Variants in DIP2B observed in about 807,000 individuals in gnomAD.
The protein encoded by DIP2B is disco-interacting protein 2 homolog B.
Under a neutral mutation model 198.0 loss-of-function variants are expected in DIP2B, and 76 were observed. The observed-to-expected ratio is 0.38, with a 90% CI of 0.32 to 0.46. DIP2B has a LOEUF of 0.46. Among genes scored for constraint, DIP2B ranks in the 20% least tolerant of loss-of-function variants. The pLI is 0.99. For missense variants in DIP2B, 1,559 were observed against 1,978.4 expected, an observed-to-expected ratio of 0.79 and a Z score of 4.02; for synonymous variants, 701 against 739.1, an observed-to-expected ratio of 0.95 and a Z score of 0.84.
intron 1 of DIP2B, among the ~76,000 whole-genome samples, chr12:50,515,376 C>T (rs972279197): frequency 3.9e-5 from 6 of 151,966 alleles, no homozygotes; most frequent in Admixed American, 2.6e-4. Flanking sequence ...GATTAACAGG[C>T]GCCTGCCACC....
At position 50,638,986 on chromosome 12, in the gene DIP2B, G is replaced by A. The variant is rs564900703; in HGVS notation, c.173-1738G>A. On this transcript the variant is annotated intron_variant, in intron 2 of 37. Coordinates refer to ENST00000301180, the MANE Select transcript of DIP2B (RefSeq NM_173602.3). ...ATTAGACAGGAGCTCAAAAAGTTTC[G>A]GATTTGGGTATTTGGGGTGTTCAAC... Among the ~76,000 whole-genome samples the A allele has an allele frequency of 3.2e-4, 49 of 152,066 alleles. No homozygotes were observed. The East Asian group carries it at 6.9e-3, about 22-fold the overall frequency.
At chr12:50,558,140 G>T (rs867615559) in intron 1 of DIP2B, among the ~76,000 whole-genome samples, 11 of 151,934 alleles carry the variant, frequency 7.2e-5, no homozygotes, top group Admixed American at 3.3e-4. Context: ...GGCCAAGGTG[G>T]GAGGATCGCT....
chr12:50,570,917 A>AC (rs1958607100), intron 1 of DIP2B, among the ~76,000 whole-genome samples: 1 of 152,174 alleles, frequency 6.6e-6, no homozygotes, highest in African/African-American at 2.4e-5. Flanking sequence ...TTTCAACAAA[A>AC]CTTTTATTGA....
At chr12:50,610,922 C>T (rs1255164641) in intron 1 of DIP2B, among the ~76,000 whole-genome samples, 1 of 151,976 alleles carries the variant, frequency 6.6e-6, no homozygotes, top group Non-Finnish European at 1.5e-5. Context: ...TCTCAGCCTC[C>T]TGAGTAGCTG....
At chr12:50,519,712 C>G (rs988278285) in intron 1 of DIP2B, among the ~76,000 whole-genome samples, 1 of 151,888 alleles carries the variant, frequency 6.6e-6, no homozygotes, top group Admixed American at 6.6e-5. Flanking sequence ...AGTCTTTTTT[C>G]CCCCAGGATA....
intron 17 of DIP2B, among the ~76,000 whole-genome samples, chr12:50,697,398 C>T (rs1485445873): frequency 3.3e-5 from 5 of 152,008 alleles, no homozygotes; most frequent in Admixed American, 2.6e-4. Flanking sequence ...TTTTGCTCTT[C>T]GGAATCCATA....
intron 1 of DIP2B, among the ~76,000 whole-genome samples, chr12:50,587,661 C>T (rs1055007493): frequency 2.2e-4 from 33 of 152,150 alleles, no homozygotes; most frequent in Non-Finnish European, 2.9e-4. Context: ...TTCAGTGTCT[C>T]CTATGTTTTG....
At chr12:50,621,040 T>C (rs552746702) in intron 1 of DIP2B, among the ~76,000 whole-genome samples, 309 of 152,344 alleles carry the variant, frequency 2.0e-3, no homozygotes, top group Middle Eastern at 3.4e-3. Flanking sequence ...GGTCTGGGAA[T>C]TCGTATTTTT....
chr12:50,665,132 C>T (rs1463705792), intron 4 of DIP2B, among the ~76,000 whole-genome samples: 1 of 152,120 alleles, frequency 6.6e-6, no homozygotes, highest in South Asian at 2.1e-4. Flanking sequence ...TGAGCCACCA[C>T]ACCCTGCTCT....
At chr12:50,699,820 G>A (rs1939385270) in intron 19 of DIP2B, among the ~76,000 whole-genome samples, 3 of 151,028 alleles carry the variant, frequency 2.0e-5, no homozygotes, top group South Asian at 4.2e-4. Context: ...CTATGATCAT[G>A]CCACTGCATT....
intron 3 of DIP2B, among the ~76,000 whole-genome samples, chr12:50,657,540 TGCA>T (rs1454855720): frequency 6.6e-6 from 1 of 151,698 alleles, no homozygotes; most frequent in Admixed American, 6.6e-5. Flanking sequence ...GTAATCCCAG[TGCA>T]GCATTTTGGG....
chr12:50,572,058 T>A (rs1958619881), intron 1 of DIP2B, among the ~76,000 whole-genome samples: 1 of 152,224 alleles, frequency 6.6e-6, no homozygotes, highest in Non-Finnish European at 1.5e-5. Flanking sequence ...TCCAGTTATA[T>A]TGCTTTGCTT....
chr12:50,692,259 G>A (rs1939234952), intron 13 of DIP2B, among the ~76,000 whole-genome samples: 1 of 151,790 alleles, frequency 6.6e-6, no homozygotes, highest in Non-Finnish European at 1.5e-5. Context: ...GTATATGTGT[G>A]TGTATAGATA....
chr12:50,737,645 G>T (rs1362174090), intron 35 of DIP2B, among the ~76,000 whole-genome samples: 1 of 152,018 alleles, frequency 6.6e-6, no homozygotes, highest in Non-Finnish European at 1.5e-5. Context: ...TCACTCTGTT[G>T]CCCAGGCTGG....
chr12:50,723,851 C>T (rs1939884328), intron 27 of DIP2B, among the ~76,000 whole-genome samples: 1 of 152,098 alleles, frequency 6.6e-6, no homozygotes, highest in South Asian at 2.1e-4. Context: ...CTGAATTATC[C>T]CCAGTGTCAA....
At chr12:50,741,913 T>C (rs1015608589) in intron 37 of DIP2B, among the ~76,000 whole-genome samples, 1 of 152,184 alleles carries the variant, frequency 6.6e-6, no homozygotes, top group African/African-American at 2.4e-5. Flanking sequence ...TGTAAAACAC[T>C]CTCTCTGCTA....
chr12:50,562,228 A>C (rs1322200241), intron 1 of DIP2B, among the ~76,000 whole-genome samples: 6 of 152,128 alleles, frequency 3.9e-5, no homozygotes, highest in South Asian at 2.1e-4. Context: ...AGCAAGTCTT[A>C]GATAATGGTA....
At chr12:50,686,852 A>G in intron 12 of DIP2B, 170 bp downstream of exon 12, 2 of 559,744 alleles carry the variant, frequency 3.6e-6, no homozygotes, top group South Asian at 5.5e-5. Context: ...CTTCTATCCT[A>G]ATTATTTTGA....
intron 12 of DIP2B, among the ~76,000 whole-genome samples, chr12:50,689,130 G>A (rs1375420768): frequency 6.6e-6 from 1 of 152,134 alleles, no homozygotes; most frequent in East Asian, 1.9e-4. Context: ...GGGCGCAGTG[G>A]CTCACCCCTA....
Sources: allele counts gnomAD v4.1 joint callset (sites outside exome capture counted in the v4.1 genomes callset), GRCh38; gene constraint gnomAD v4.1.1; transcripts MANE v1.5; gene names NCBI Gene and HGNC (gene_info 2026-07-23, HGNC 2026-07-21).